The following SPECC1 variants were observed in gnomAD, a reference collection of about 807,000 sequenced individuals.
SPECC1 encodes the protein sperm antigen with calponin homology and coiled-coil domains 1, also known as cytospin-B.
A neutral mutation model predicts 104.1 loss-of-function variants in SPECC1; 62 were observed. The ratio of observed to expected loss-of-function variants is 0.60; its 90% CI spans 0.49 to 0.74. The LOEUF (loss-of-function observed/expected upper bound fraction) is 0.74. Among genes scored for constraint, SPECC1 ranks in the 30% least tolerant of loss-of-function variants. The pLI, the probability that SPECC1 is intolerant of heterozygous loss-of-function variation, is 0.00. For missense variants in SPECC1, 1,306 were observed against 1,310.5 expected, an observed-to-expected ratio of 1.00 and a Z score of 0.05; for synonymous variants, 513 against 501.6, an observed-to-expected ratio of 1.02 and a Z score of -0.30.
At chr17:20,185,371 G>A (rs1414470899) in intron 3 of SPECC1, among the ~76,000 whole-genome samples, 3 of 152,122 alleles carry the variant, frequency 2.0e-5, no homozygotes, top group Non-Finnish European at 1.5e-5. Context: ...TCTTGTTTGC[G>A]GGGGCACTTG....
At chr17:20,081,205 C>T (rs2046959943) in intron 1 of SPECC1, among the ~76,000 whole-genome samples, 1 of 152,168 alleles carries the variant, frequency 6.6e-6, no homozygotes, top group South Asian at 2.1e-4. Context: ...TTGATAGTTC[C>T]CTACACTGGA....
chr17:20,294,490 T>C (rs2041276441), intron 12 of SPECC1, among the ~76,000 whole-genome samples: 1 of 152,078 alleles, frequency 6.6e-6, no homozygotes, highest in Admixed American at 6.6e-5. Context: ...GGAAGAGCAA[T>C]CCAGAGACAG....
At chr17:20,239,775 C>A (rs2039107402) in intron 7 of SPECC1, among the ~76,000 whole-genome samples, 1 of 150,998 alleles carries the variant, frequency 6.6e-6, no homozygotes, top group Non-Finnish European at 1.5e-5. Flanking sequence ...ACATGCCCAT[C>A]TGTATACATC....
At chr17:20,073,614 C>T (rs1218755156) in intron 1 of SPECC1, 1 of 152,210 alleles carries the variant, frequency 6.6e-6, no homozygotes, top group Non-Finnish European at 1.5e-5. Context: ...GTTTTCCTCC[C>T]AGGCCAGCAC....
intron 3 of SPECC1, among the ~76,000 whole-genome samples, chr17:20,151,921 C>T (rs960265924): frequency 2.0e-5 from 3 of 151,380 alleles, no homozygotes; most frequent in East Asian, 1.9e-4. Context: ...TGGTGGCAGG[C>T]GCCTGTAATC....
chr17:20,075,223 T>A (rs1187200498), intron 1 of SPECC1, among the ~76,000 whole-genome samples: 3 of 152,322 alleles, frequency 2.0e-5, no homozygotes, highest in South Asian at 2.1e-4. Context: ...AACATTTTTT[T>A]AAATGATCTA....
intron 2 of SPECC1, among the ~76,000 whole-genome samples, chr17:20,106,125 C>T (rs1180458967): frequency 6.6e-6 from 1 of 152,110 alleles, no homozygotes; most frequent in Non-Finnish European, 1.5e-5. Context: ...TTCCCTTAAC[C>T]ACTGTGATTT....
chr17:20,223,919 A>G (rs1352225951), intron 4 of SPECC1, among the ~76,000 whole-genome samples: 2 of 152,168 alleles, frequency 1.3e-5, no homozygotes, highest in African/African-American at 4.8e-5. Context: ...CTGGGCATGG[A>G]AGAGTCCGGT....
intron 1 of SPECC1, among the ~76,000 whole-genome samples, chr17:20,043,203 C>T (rs73984559): frequency 6.6e-6 from 1 of 151,898 alleles, no homozygotes; most frequent in Admixed American, 6.6e-5. Context: ...CTGTGTAGCT[C>T]CCACATCACA....
intron 1 of SPECC1, among the ~76,000 whole-genome samples, chr17:20,036,683 A>G (rs1464221976): frequency 1.3e-5 from 2 of 152,160 alleles, no homozygotes; most frequent in Non-Finnish European, 2.9e-5. Flanking sequence ...TCCTTTGACC[A>G]GCGTGTCTCC....
At chr17:20,245,461 T>C (rs1316917587) in intron 7 of SPECC1, among the ~76,000 whole-genome samples, 1 of 152,088 alleles carries the variant, frequency 6.6e-6, no homozygotes, top group Admixed American at 6.6e-5. Flanking sequence ...GGAACTTAAA[T>C]CACACCCAAA....
intron 7 of SPECC1, among the ~76,000 whole-genome samples, chr17:20,241,611 C>T (rs1412731708): frequency 1.3e-5 from 2 of 152,200 alleles, no homozygotes; most frequent in African/African-American, 4.8e-5. Context: ...TGATACTCGA[C>T]TACAGGACTT....
At position 20,261,518 on chromosome 17, in the gene SPECC1, A is replaced by G. The variant is rs1339186198; in HGVS notation, c.2940+1224A>G. 5.3e-5 allele frequency among the ~76,000 whole-genome samples: 8 copies of G among 151,018 alleles called. No individual in the cohort carries two copies. The South Asian group carries it at 1.7e-3, about 32-fold the overall frequency. On this transcript the variant is annotated intron_variant, in intron 12 of 14. Coordinates refer to ENST00000395527, the MANE Select transcript of SPECC1 (RefSeq NM_001243439.2). ...CTCCGTCTCAAAAAAAAAAAAAAAA[A>G]AAAAGCAGACACAAGCTCCCCGAGC...
chr17:20,070,622 A>T lies in SPECC1; in HGVS notation c.-21-26009A>T, dbSNP rs1046985897. On this transcript the variant is annotated intron_variant, in intron 1 of 14. Coordinates refer to ENST00000395527, the MANE Select transcript of SPECC1 (RefSeq NM_001243439.2). ...TATGTGGATATACCATAATCTAACC[A>T]ATTAGACTTTAAATTATTTCTTTTC... is the stretch of plus-strand genomic sequence containing the variant. 1.5e-4 allele frequency among the ~76,000 whole-genome samples: 23 copies of T among 152,320 alleles called. No homozygotes were observed. The East Asian group carries it at 3.7e-3, about 24-fold the overall frequency.
In SPECC1 at chr17:20,204,891, A is replaced by T. The variant is rs781742859; in HGVS notation, c.842A>T (p.Gln281Leu). ...GDSSCPTSIT[Q>L]ESSFGSPTGN... The stretch of plus-strand genomic sequence containing the variant: ...AGCAGCTGCCCAACATCCATAACTC[A>T]AGAGTCAAGCTTCGGAAGCCCAACT... The change falls in exon 4 of 15, where the codon CAA (glutamine) becomes CTA (leucine). Residue 281 changes from glutamine (Q) to leucine (L), a missense_variant. Gln to Leu is a moderately radical substitution (Grantham distance 113). Coordinates refer to ENST00000395527, the MANE Select transcript of SPECC1 (RefSeq NM_001243439.2). 2 of 1,613,980 alleles carry T rather than the reference A, an allele frequency of 1.2e-6. No homozygotes were observed. The highest frequency in any genetic ancestry group is 1.7e-6 in the Non-Finnish European group (2 of 1,179,940).
At position 20,117,347 on chromosome 17, in the gene SPECC1, A is replaced by G. The variant is rs193297613; in HGVS notation, c.283+6785A>G. Among the ~76,000 whole-genome samples the G allele has an allele frequency of 1.7e-3, 256 of 152,346 alleles. 2 individuals are homozygous for G. The highest frequency in any genetic ancestry group is 5.5e-3 in the African/African-American group (230 of 41,584). ...TCTTGGCCTTGGAAGAACCTTTCTA[A>G]GTAGGAACAGACACAGAAGCCATAA... On this transcript the variant is annotated intron_variant, in intron 3 of 14. Transcript: ENST00000395527.
At chr17:20,293,512 G>A (rs1240593682) in intron 12 of SPECC1, among the ~76,000 whole-genome samples, 1 of 152,314 alleles carries the variant, frequency 6.6e-6, no homozygotes, top group East Asian at 1.9e-4. Context: ...CTGGGCAGAG[G>A]GAGGAAACAG....
chr17:20,270,461 A>C lies in SPECC1; in HGVS notation c.2940+10167A>C, dbSNP rs867607328. Among the ~76,000 whole-genome samples, 894 of 116,084 alleles carry C rather than the reference A, an allele frequency of 7.7e-3. 5 individuals carry two copies. Among genetic ancestry groups the C allele is most frequent in the Admixed American group, 0.012 (135 of 11,280 alleles). 76.2% of individuals were successfully genotyped at this position (116,084 alleles called of 152,430 possible). On this transcript the variant is annotated intron_variant, in intron 12 of 14. Transcript: ENST00000395527. ...AAAAAAAAAAAAAAAAAAAAAAAAAAAAAAAACATTAGCCGGCTACGATGG... is the reference window on the plus strand; with the variant it reads ...AAAAAAAAAAAAAAAAAAAAAAAAACAAAAAACATTAGCCGGCTACGATGG...
At chr17:20,110,688 G>A (rs1054986440) in intron 3 of SPECC1, 126 bp downstream of exon 3, 23 of 1,201,218 alleles carry the variant, frequency 1.9e-5, no homozygotes, top group South Asian at 1.3e-4. Flanking sequence ...ACCCTGGGCC[G>A]GAACTGTTTT....
Sources: gnomAD v4.1 joint callset for allele counts (sites outside exome capture counted in the v4.1 genomes callset) on GRCh38, gnomAD v4.1.1 for gene constraint, MANE v1.5 for transcripts, NCBI Gene and HGNC (gene_info 2026-07-23, HGNC 2026-07-21) for gene names.